YTHDF2: variants seen among roughly 807,000 people sequenced by gnomAD.
YTHDF2 encodes YTH N6-methyladenosine RNA binding protein F2.
Under a neutral mutation model 50.4 loss-of-function variants are expected in YTHDF2, and 2 were observed. The observed-to-expected ratio is 0.04, with a 90% CI of 0.02 to 0.12. The LOEUF (loss-of-function observed/expected upper bound fraction) is 0.12. Ranked by LOEUF, YTHDF2 falls within the 10% of genes least tolerant of loss-of-function variation. The pLI is 1.00. For synonymous variants in YTHDF2, 217 were observed against 255.6 expected (o/e 0.85, Z 1.44); for missense variants, 483 against 722.6 (o/e 0.67, Z 3.80).
chr1:28,758,471 G>C (rs1025793462), intron 4 of YTHDF2, among the ~76,000 whole-genome samples: 60 of 152,190 alleles, frequency 3.9e-4, no homozygotes, highest in African/African-American at 1.4e-3. Context: ...TAGTTGGAAC[G>C]TAAGTATGTA....
Position 28,756,222 on chromosome 1 carries a change from G to C in YTHDF2, c.1716+12236G>C, listed in dbSNP as rs1383897866. 2.0e-5 allele frequency among the ~76,000 whole-genome samples: 3 copies of C among 152,188 alleles called. No homozygotes were observed. In the East Asian group the frequency reaches 5.8e-4, roughly 29 times the overall value. The stretch of plus-strand genomic sequence containing the variant: ...TGAAATAGACTATGTAAAAATGTCT[G>C]AAATACAGAGTTGAATATGAAGAAT... On this transcript the variant is annotated intron_variant, in intron 4 of 4. Coordinates refer to ENST00000373812, the MANE Select transcript of YTHDF2 (RefSeq NM_016258.3).
At position 28,743,868 on chromosome 1, in the gene YTHDF2, C is replaced by T; in HGVS notation, c.1598C>T (p.Pro533Leu). Residue 533 changes from proline to leucine, a missense_variant, in exon 4 of 5, where the codon CCT becomes CTT. Physicochemically the swap from Pro to Leu is moderately conservative, Grantham distance 98 (BLOSUM62 -3). Transcript: ENST00000373812. The surrounding 1 kb of genome is among the most constrained non-coding windows in gnomAD (Gnocchi z 6.9). ...AACTCTAGGGACACTCAGGAAGTGC[C>T]TCTGGAAAAGGCTAAGCAGGTGTTG... Reference protein sequence around the residue: ...VTNSRDTQEVPLEKAKQVLKI... With the variant: ...VTNSRDTQEVLLEKAKQVLKI... 6.2e-7 allele frequency: 1 copy of T among 1,613,334 alleles called. No homozygotes were observed.
At chr1:28,763,655 C>T (rs2088167767) in intron 4 of YTHDF2, among the ~76,000 whole-genome samples, 1 of 151,856 alleles carries the variant, frequency 6.6e-6, no homozygotes, top group African/African-American at 2.4e-5. Context: ...TGGGGTTTCA[C>T]CATGTTAGCC....
At chr1:28,754,103 A>C (rs2088000238) in intron 4 of YTHDF2, among the ~76,000 whole-genome samples, 1 of 152,214 alleles carries the variant, frequency 6.6e-6, no homozygotes, top group African/African-American at 2.4e-5. Context: ...TGAAACACTT[A>C]CTGAGCATTG....
At chr1:28,754,453 A>G (rs2088006594) in intron 4 of YTHDF2, among the ~76,000 whole-genome samples, 1 of 152,082 alleles carries the variant, frequency 6.6e-6, no homozygotes, top group East Asian at 1.9e-4. Context: ...TGGTGTGAAC[A>G]CTGGAGGCGG....
At chr1:28,754,337 G>T (rs2088004874) in intron 4 of YTHDF2, among the ~76,000 whole-genome samples, 1 of 152,118 alleles carries the variant, frequency 6.6e-6, no homozygotes, top group South Asian at 2.1e-4. Context: ...ATACCAGCCT[G>T]GCCAACATGG....
intron 4 of YTHDF2, among the ~76,000 whole-genome samples, chr1:28,754,396 G>A (rs1302838279): frequency 1.3e-5 from 2 of 152,144 alleles, no homozygotes; most frequent in African/African-American, 4.8e-5. Context: ...CGGGCGTGGT[G>A]ACGGGCGCCT....
chr1:28,743,708 A>C lies in YTHDF2; in HGVS notation c.1438A>C (p.Asn480His). 3 of 1,614,204 alleles carry C rather than the reference A, an allele frequency of 1.9e-6. No individual in the cohort carries two copies. The highest frequency in any genetic ancestry group is 2.5e-6 in the Non-Finnish European group (3 of 1,180,038). Residue 480 changes from asparagine to histidine, a missense_variant, in exon 4 of 5, where the codon AAC (asparagine) becomes CAC (histidine). This residue lies in a region of YTHDF2 where 59 missense variants were observed against 168.9 expected (regional missense o/e 0.35). Transcript: ENST00000373812. This position sits in a 1 kb window ranked among gnomAD's most constrained non-coding sequence, Gnocchi z 6.9. Reference sequence around the variant, plus strand: ...AGAAATGAAATCTGCTGTGGACTACAACACATGTGCAGGTGTGTGGTCCCA... The same window carrying C: ...AGAAATGAAATCTGCTGTGGACTACCACACATGTGCAGGTGTGTGGTCCCA... ...VAEMKSAVDY[N>H]TCAGVWSQDK...
chr1:28,756,787 T>TTGCCTGCCTGCC (rs147570839), intron 4 of YTHDF2, among the ~76,000 whole-genome samples: 3 of 152,008 alleles, frequency 2.0e-5, no homozygotes, highest in East Asian at 3.9e-4. Flanking sequence ...AGCATTGGCT[T>TTGCCTGCCTGCC]TGCCTGCCTG....
intron 4 of YTHDF2, among the ~76,000 whole-genome samples, chr1:28,744,834 A>G (rs1302054556): frequency 2.6e-5 from 4 of 151,850 alleles, no homozygotes; most frequent in Non-Finnish European, 5.9e-5. Context: ...ATGCCCGGCT[A>G]GTTTTTCATG....
intron 4 of YTHDF2, among the ~76,000 whole-genome samples, chr1:28,749,340 C>T (rs1408489682): frequency 2.0e-5 from 3 of 151,884 alleles, no homozygotes; most frequent in Admixed American, 6.6e-5. Flanking sequence ...TACAGGCGTC[C>T]GGCTAATTTT....
chr1:28,745,497 G>T (rs2087844121), intron 4 of YTHDF2, among the ~76,000 whole-genome samples: 1 of 152,172 alleles, frequency 6.6e-6, no homozygotes, highest in Non-Finnish European at 1.5e-5. Context: ...ACTTTGGGAG[G>T]CTGAGGTGGG....
At chr1:28,749,607 C>G (rs1442774830) in intron 4 of YTHDF2, among the ~76,000 whole-genome samples, 1 of 151,992 alleles carries the variant, frequency 6.6e-6, no homozygotes, top group Non-Finnish European at 1.5e-5. Context: ...TTGTTTCTAG[C>G]CCTTTAACTA....
chr1:28,740,641 G>A (rs950501354), intron 3 of YTHDF2, among the ~76,000 whole-genome samples: 4 of 152,062 alleles, frequency 2.6e-5, no homozygotes, highest in Non-Finnish European at 5.9e-5. Context: ...CCTTACCTTT[G>A]TGAGAAATTT....
chr1:28,737,580 C>A (rs2087713528), intron 1 of YTHDF2, 78 bp from the exon 2 acceptor site: 1 of 1,598,492 alleles, frequency 6.3e-7, no homozygotes, highest in Non-Finnish European at 8.6e-7. Flanking sequence ...TCCCTTCGGG[C>A]CCTGCCTTAA....
intron 4 of YTHDF2, among the ~76,000 whole-genome samples, chr1:28,760,581 C>G (rs1019077458): frequency 6.6e-6 from 1 of 151,922 alleles, no homozygotes; most frequent in Non-Finnish European, 1.5e-5. Flanking sequence ...AGCCACCACA[C>G]CTGGCTTTTT....
intron 3 of YTHDF2, chr1:28,740,390 C>G (rs1324724028): frequency 6.6e-6 from 1 of 152,134 alleles, no homozygotes; most frequent in South Asian, 2.1e-4. Context: ...TTTGATTTTT[C>G]TTTCTCAGGT....
Position 28,761,106 on chromosome 1 carries a change from A to AGTGT in YTHDF2, c.1717-7802_1717-7799dup, listed in dbSNP as rs137903917. Reference sequence around the variant, plus strand: ...CTGAAATGTCATTATATCGTGCATGAGTGTGTGTGTGTGTGTGTGTGTGTA... The same window carrying AGTGT: ...CTGAAATGTCATTATATCGTGCATGAGTGTGTGTGTGTGTGTGTGTGTGTGTGTA... On this transcript the variant is annotated intron_variant, in intron 4 of 4. Transcript: ENST00000373812. 2.0e-3 allele frequency among the ~76,000 whole-genome samples: 241 copies of AGTGT among 121,750 alleles called. 1 individual carries two copies. Among genetic ancestry groups the AGTGT allele is most frequent in the South Asian group, 4.6e-3 (18 of 3,924 alleles). The allele number at this position is 121,750 out of a possible 152,430, so 79.9% of individuals were successfully genotyped here.
chr1:28,748,830 T>C (rs1297881075), intron 4 of YTHDF2, among the ~76,000 whole-genome samples: 1 of 152,214 alleles, frequency 6.6e-6, no homozygotes, highest in African/African-American at 2.4e-5. Context: ...GGCTTCATAG[T>C]ATTGTCAGAC....
Sources: allele counts gnomAD v4.1 joint callset (sites outside exome capture counted in the v4.1 genomes callset), GRCh38; gene constraint gnomAD v4.1.1; regional missense constraint gnomAD v4.1.1; non-coding constraint Gnocchi (gnomAD v3.1); transcripts MANE v1.5; gene names NCBI Gene and HGNC (gene_info 2026-07-23, HGNC 2026-07-21).